Variants in PLEC observed in about 807,000 individuals in gnomAD.
The protein encoded by PLEC is hemidesmosomal protein 1.
In PLEC, 216 loss-of-function variants were observed where a neutral mutation model predicts 392.8. The observed-to-expected ratio is 0.55, with a 90% confidence interval of 0.49 to 0.62. PLEC has a LOEUF of 0.62. Among genes scored for constraint, PLEC ranks in the 20% least tolerant of loss-of-function variants. The pLI is 0.00. For synonymous variants in PLEC, 3,621 were observed against 2,980.6 expected (o/e 1.21, Z -7.00); for missense variants, 6,863 against 6,563.4 (o/e 1.05, Z -1.58).
upstream of PLEC, among the ~76,000 whole-genome samples, chr8:143,942,729 G>A (rs1287187753): frequency 6.6e-6 from 1 of 152,248 alleles, no homozygotes; most frequent in African/African-American, 2.4e-5. Flanking sequence ...CCAGGAAGCC[G>A]CGCCCCAACC....
rs782102646 is a variant in PLEC, at chr8:143,931,626, A to G, written c.2212T>C (p.Leu738=). ...CGCAGTGCCTCCTGCAGCTTCTGCA[A>G]CTGCCCCTCGGCCTCCCGCACATCT... ...FSDVREAEGQ[L]QKLQEALRRK... Residue 738 remains leucine (L), a synonymous_variant, in exon 19 of 32, where the codon TTG becomes CTG. Transcript: ENST00000345136. 1 of 1,601,296 alleles carries G rather than the reference A, an allele frequency of 6.2e-7. No individual in the cohort carries two copies. The highest frequency in any genetic ancestry group is 8.5e-7 in the Non-Finnish European group (1 of 1,174,604).
At chr8:143,926,026 G>A in intron 30 of PLEC, 142 bp from the exon 31 acceptor site, 1 of 978,412 alleles carries the variant, frequency 1.0e-6, no homozygotes, top group Non-Finnish European at 1.6e-6. Context: ...CGGCGGAGGA[G>A]ACAGCGTGCA....
At chr8:143,964,812 G>A (rs545724546) in intron 1 of PLEC, among the ~76,000 whole-genome samples, 8 of 152,244 alleles carry the variant, frequency 5.3e-5, no homozygotes, top group South Asian at 2.1e-4. Flanking sequence ...GTAGCCACTC[G>A]TTTAGCAAGA....
At chr8:143,926,018 G>T in intron 30 of PLEC, 134 bp from the exon 31 acceptor site, 1 of 1,049,940 alleles carries the variant, frequency 9.5e-7, no homozygotes, top group Non-Finnish European at 1.4e-6. Flanking sequence ...CCCCAGCCCG[G>T]CGGAGGAGAC....
chr8:143,921,818 T>A lies in PLEC; in HGVS notation c.8003A>T (p.Glu2668Val). ...LQEAGILSAE[E>V]LQRLAQGHTT... ...GTGGCCCTGCGCCAACCGCTGCAGC[T>A]CCTCCGCACTCAGGATGCCGGCCTC... The change falls in exon 32 of 32, where the codon GAG becomes GTG. Residue 2668 changes from glutamate to valine, a missense_variant. Physicochemically the swap from Glu to Val is moderately radical, Grantham distance 121 (BLOSUM62 -2). Transcript: ENST00000345136. The A allele has an allele frequency of 1.1e-5, 18 of 1,608,134 alleles. No individual in the cohort carries two copies. Among genetic ancestry groups the A allele is most frequent in the Non-Finnish European group, 1.5e-5 (18 of 1,179,716 alleles).
upstream of PLEC, chr8:143,953,645 C>G: frequency 1.4e-6 from 2 of 1,463,608 alleles, no homozygotes; most frequent in South Asian, 2.4e-5. Flanking sequence ...ACCCTGCCCG[C>G]CACCCTGCGT....
Position 143,929,728 on chromosome 8 carries a change from TC to T in PLEC, c.2840del (p.Gly947AspfsTer6). The T allele has an allele frequency of 6.3e-7, 1 of 1,599,652 alleles. No individual in the cohort carries two copies. ...LRDSQDAGGF[G>X]PEDRLMAERE... ...GCTCAGCCATCAGCCGGTCCTCGGG[TC>T]CGAAGCCGCCCGCGTCCTGGCTGTC... On this transcript the variant is annotated frameshift_variant, in exon 23 of 32. Coordinates refer to ENST00000345136, the MANE Select transcript of PLEC (RefSeq NM_201384.3). LOFTEE classifies it high-confidence loss of function.
chr8:143,922,264 G>C lies in PLEC; in HGVS notation c.7557C>G (p.Leu2519=). ...IEQEKAKLEQ[L]FQDEVAKAQQ... ...GTGCCTTGGCCACCTCGTCCTGGAA[G>C]AGCTGCTCCAGCTTGGCCTTCTCCT... The change falls in exon 32 of 32, where the codon CTC becomes CTG. Residue 2519 remains leucine, a synonymous_variant. Transcript: ENST00000345136. 1 of 1,601,458 alleles carries C rather than the reference G, an allele frequency of 6.2e-7. No individual in the cohort carries two copies.
chr8:143,935,428 A>G (rs1554722426), intron 6 of PLEC, 115 bp from the exon 7 acceptor site: 19 of 742,900 alleles, frequency 2.6e-5, no homozygotes, highest in Non-Finnish European at 3.1e-5. Flanking sequence ...CCCCCCCAAC[A>G]CTCACCCTGA....
Position 143,934,691 on chromosome 8 carries a change from G to A in PLEC, c.985C>T (p.Leu329=). 1 of 1,612,908 alleles carries A rather than the reference G, an allele frequency of 6.2e-7. No individual in the cohort carries two copies. Among genetic ancestry groups the A allele is most frequent in the Non-Finnish European group, 8.5e-7 (1 of 1,179,962 alleles). The part of the protein sequence containing the change: ...SQFLKFKEME[L]PAKEADKNRS... ...TTCTTGTCGGCCTCCTTGGCTGGTA[G>A]CTCCATCTCCTTAAACTTCAGGAAC... The change falls in exon 10 of 32, where the codon CTA becomes TTA. Residue 329 remains leucine (L), a synonymous_variant. Transcript: ENST00000345136.
At chr8:143,947,297 G>A (rs1463616909) in intron 1 of PLEC, among the ~76,000 whole-genome samples, 3 of 152,254 alleles carry the variant, frequency 2.0e-5, no homozygotes, top group African/African-American at 4.8e-5. Flanking sequence ...GCCCTTTGCT[G>A]TGGGAAGCAG....
At chr8:143,963,564 A>G (rs1832957894) in intron 1 of PLEC, among the ~76,000 whole-genome samples, 1 of 152,230 alleles carries the variant, frequency 6.6e-6, no homozygotes, top group African/African-American at 2.4e-5. Flanking sequence ...CTAGTTTTAC[A>G]AGTAAAAAGA....
At chr8:143,958,630 G>T (rs868931515), upstream of PLEC, 2 of 450,690 alleles carry the variant, frequency 4.4e-6, no homozygotes, top group African/African-American at 2.0e-5. This position sits in a 1 kb window ranked among gnomAD's most constrained non-coding sequence, Gnocchi z 4.9. Context: ...AGTGCTCTCC[G>T]AGCACAAGCA....
chr8:143,962,157 TTAAA>T (rs1564227095), intron 1 of PLEC, among the ~76,000 whole-genome samples: 2 of 152,142 alleles, frequency 1.3e-5, no homozygotes, highest in Non-Finnish European at 2.9e-5. Flanking sequence ...GCAGATATAA[TTAAA>T]TAAAGGATCT....
chr8:143,922,148 C>T lies in PLEC; in HGVS notation c.7673G>A (p.Arg2558Gln), dbSNP rs782713454. The T allele has an allele frequency of 2.9e-5, 44 of 1,539,072 alleles. No homozygotes were observed. Among genetic ancestry groups the T allele is most frequent in the Middle Eastern group, 3.5e-4 (2 of 5,788 alleles). ...LVASMEEARRRQHEAEEGVRR... is the reference protein window; with the variant it reads ...LVASMEEARRQQHEAEEGVRR... ...CACGCCCTCCTCGGCCTCATGCTGC[C>T]GCCGCCGCGCCTCCTCCATGCTGGC... The change falls in exon 32 of 32, where the codon CGG becomes CAG. Residue 2558 changes from arginine to glutamine, a missense_variant. Arg to Gln is a conservative substitution (Grantham distance 43). Transcript: ENST00000345136.
chr8:143,936,898 G>A (rs1216552191), intron 5 of PLEC, 81 bp downstream of exon 5: 47 of 1,121,532 alleles, frequency 4.2e-5, no homozygotes, highest in East Asian at 1.2e-4. Context: ...GCCAGAAAGC[G>A]GATCAACCCG....
Position 143,923,562 on chromosome 8 carries a change from C to T in PLEC, c.6367G>A (p.Glu2123Lys). 6.3e-7 allele frequency: 1 copy of T among 1,597,728 alleles called. No individual in the cohort carries two copies. The highest frequency in any genetic ancestry group is 2.2e-5 in the East Asian group (1 of 44,736). The change falls in exon 31 of 32, where the codon GAG becomes AAG. Residue 2123 changes from glutamate (E) to lysine (K), a missense_variant. Glu to Lys is a moderately conservative substitution (Grantham distance 56). Transcript: ENST00000345136. Reference protein sequence around the residue: ...EAERLKQSAEEQAQARAQAQA... With the variant: ...EAERLKQSAEKQAQARAQAQA... ...GCCTGAGCCCGGGCCTGTGCCTGCT[C>T]CTCTGCCGACTGCTTCAGCCGCTCG... is the stretch of plus-strand genomic sequence containing the variant.
chr8:143,947,226 A>G (rs1831599279), intron 1 of PLEC, among the ~76,000 whole-genome samples: 1 of 152,002 alleles, frequency 6.6e-6, no homozygotes, highest in Admixed American at 6.6e-5. Context: ...TCAAGGGGGG[A>G]GGTCAAGGCA....
In PLEC at chr8:143,973,497, G is replaced by A. The variant is rs1470002763; in HGVS notation, c.-25C>T. The A allele has an allele frequency of 1.5e-5, 23 of 1,486,078 alleles. No individual in the cohort carries two copies. The highest frequency in any genetic ancestry group is 2.0e-5 in the Non-Finnish European group (22 of 1,115,732). The allele number at this position is 1,486,078 out of a possible 1,614,324, so 92.1% of individuals were successfully genotyped here. On this transcript the variant is annotated 5_prime_UTR_variant, in exon 1 of 32. Coordinates refer to the PLEC transcript ENST00000356346. The surrounding 1 kb of genome is among the most constrained non-coding windows in gnomAD (Gnocchi z 5.6). ...TGCCGGCGGGCGCGGGGCGCGGGGT[G>A]CAGCGGAGCCTCCAGCACCCGGCGG...
Sources: allele counts gnomAD v4.1 joint callset (sites outside exome capture counted in the v4.1 genomes callset), GRCh38; gene constraint gnomAD v4.1.1; non-coding constraint Gnocchi (gnomAD v3.1); transcripts MANE v1.5; gene names NCBI Gene and HGNC (gene_info 2026-07-23, HGNC 2026-07-21).